DHX8: variants seen among roughly 807,000 people sequenced by gnomAD.
DHX8 encodes the protein ATP-dependent RNA helicase DHX8.
In DHX8, 67 loss-of-function variants were observed where a neutral mutation model predicts 140.7. That is an observed-to-expected ratio of 0.48 (90% CI 0.39 to 0.58). The LOEUF is 0.58. DHX8 is among the 20% of genes least tolerant of loss of function. The pLI is 0.00. For synonymous variants in DHX8, 533 were observed against 553.2 expected (o/e 0.96, Z 0.51); for missense variants, 887 against 1,550.7 (o/e 0.57, Z 7.19).
At chr17:43,529,813 C>T (rs556473066), downstream of DHX8, 9 of 1,600,946 alleles carry the variant, frequency 5.6e-6, no homozygotes, top group African/African-American at 1.3e-5. Flanking sequence ...AACAATGAAA[C>T]GTGATGTGAC....
intron 3 of DHX8, among the ~76,000 whole-genome samples, chr17:43,542,769 G>A (rs2154587281): frequency 6.6e-6 from 1 of 152,256 alleles, no homozygotes; most frequent in Non-Finnish European, 1.5e-5. Context: ...TCCAAATGCT[G>A]TCTTCACAGA....
intron 1 of DHX8, among the ~76,000 whole-genome samples, chr17:43,488,076 G>A (rs1489801510): frequency 1.3e-5 from 2 of 150,716 alleles, no homozygotes; most frequent in African/African-American, 2.4e-5. Context: ...TCGTGGGTTC[G>A]AGACCAGCCT....
intron 16 of DHX8, among the ~76,000 whole-genome samples, chr17:43,509,484 AT>A (rs555156200): frequency 0.017 from 2,318 of 135,484 alleles, 8 homozygotes; most frequent in Non-Finnish European, 0.025. Context: ...CCTCCCACTT[AT>A]TTTTTTTTTT....
intron 20 of DHX8, 46 bp downstream of exon 20, chr17:43,520,925 G>T: frequency 6.4e-7 from 1 of 1,570,840 alleles, no homozygotes; most frequent in South Asian, 1.2e-5. Context: ...CATGAAGTTG[G>T]GGTAGTTGGC....
intron 2 of DHX8, among the ~76,000 whole-genome samples, chr17:43,532,301 C>G (rs185104301): frequency 1.3e-5 from 2 of 152,256 alleles, no homozygotes; most frequent in Non-Finnish European, 2.9e-5. Context: ...GAGTTCGAGA[C>G]CATCCTGGCC....
chr17:43,536,675 G>T (rs1474175285), intron 3 of DHX8, among the ~76,000 whole-genome samples: 4 of 152,264 alleles, frequency 2.6e-5, no homozygotes, highest in Non-Finnish European at 5.9e-5. Context: ...GATAGCTGAT[G>T]AACTTAAAAT....
chr17:43,502,322 G>A (rs1275287661), intron 11 of DHX8, among the ~76,000 whole-genome samples: 4 of 152,224 alleles, frequency 2.6e-5, no homozygotes, highest in Admixed American at 1.3e-4. Flanking sequence ...GGAGGCCGAG[G>A]CAGGAGAATT....
rs1967956005 is a variant in DHX8, at chr17:43,483,999, G to A, written c.-39G>A. 1.9e-6 allele frequency: 3 copies of A among 1,611,422 alleles called. No individual in the cohort carries two copies. Among genetic ancestry groups the A allele is most frequent in the Non-Finnish European group, 2.5e-6 (3 of 1,178,356 alleles). On this transcript the variant is annotated 5_prime_UTR_variant, in exon 1 of 23. Transcript: ENST00000262415. ...GAACCCGGCCGGAGTAGCTCTGAGC[G>A]CCGGCTGTGAGGAAGGAGGTTCTGG...
intron 8 of DHX8, 132 bp downstream of exon 8, chr17:43,494,018 A>T: frequency 1.2e-6 from 1 of 834,244 alleles, no homozygotes; most frequent in Non-Finnish European, 1.9e-6. Context: ...ACTCCTGATA[A>T]AGACGTACCT....
downstream of DHX8, chr17:43,526,316 C>G (rs1055068060): frequency 7.0e-7 from 1 of 1,420,398 alleles, no homozygotes; most frequent in Non-Finnish European, 9.2e-7. Context: ...CACCCCCACC[C>G]CGCGAGAACC....
At chr17:43,520,928 T>C (rs1202359507) in intron 20 of DHX8, 49 bp downstream of exon 20, 2 of 1,554,420 alleles carry the variant, frequency 1.3e-6, no homozygotes, top group East Asian at 4.7e-5. Flanking sequence ...GAAGTTGGGG[T>C]AGTTGGCCTG....
intron 16 of DHX8, among the ~76,000 whole-genome samples, chr17:43,509,338 A>G (rs1804280588): frequency 6.6e-6 from 1 of 152,218 alleles, no homozygotes. Flanking sequence ...AGGGAATGGC[A>G]TAGTTCCAGT....
downstream of DHX8, chr17:43,526,242 C>G: frequency 7.9e-7 from 1 of 1,267,462 alleles, no homozygotes; most frequent in Non-Finnish European, 1.0e-6. Context: ...GAGTGACAGC[C>G]CAGGAGAGGA....
intron 18 of DHX8, chr17:43,518,240 C>T (rs1199398120): frequency 6.6e-6 from 1 of 152,214 alleles, no homozygotes; most frequent in Non-Finnish European, 1.5e-5. Flanking sequence ...TATTGAACAC[C>T]TGCTGTGTTT....
intron 9 of DHX8, among the ~76,000 whole-genome samples, chr17:43,497,606 T>A (rs891218084): frequency 3.3e-5 from 5 of 151,952 alleles, no homozygotes; most frequent in Non-Finnish European, 7.4e-5. Flanking sequence ...AGAAAAAAAA[T>A]TAGCCAGGTG....
rs1970405517 is a variant in DHX8 at position 43,522,161 on chromosome 17, A to G, written c.3378A>G (p.Thr1126=). 1 of 1,614,130 alleles carries G rather than the reference A, an allele frequency of 6.2e-7. No homozygotes were observed. The highest frequency in any genetic ancestry group is 8.5e-7 in the Non-Finnish European group (1 of 1,180,004). The change falls in exon 22 of 23, where the codon ACA becomes ACG. Residue 1126 remains threonine (T), a synonymous_variant. Coordinates refer to ENST00000262415, the MANE Select transcript of DHX8 (RefSeq NM_004941.3). ...AAGACCCGCAGGAGGGTTACCGGAC[A>G]CTGATCGACCAGCAGGTGGTCTATA... ...AKKDPQEGYR[T]LIDQQVVYIH...
intron 2 of DHX8, chr17:43,536,196 G>A: frequency 1.8e-6 from 1 of 559,484 alleles, no homozygotes; most frequent in South Asian, 2.2e-5. Context: ...TCAGATATAA[G>A]GCAATGGAGA....
Position 43,524,643 on chromosome 17 carries a change from C to T in DHX8, c.*796C>T, listed in dbSNP as rs1970542304. The T allele has an allele frequency of 1.0e-6, 1 of 985,480 alleles. No homozygotes were observed. Among genetic ancestry groups the T allele is most frequent in the Non-Finnish European group, 1.2e-6 (1 of 829,976 alleles). 61.0% of individuals were successfully genotyped at this position (985,480 alleles called of 1,614,324 possible). A position where few individuals can be genotyped will look rare whatever the true frequency, so the allele number is the denominator to read the frequency against. On this transcript the variant is annotated 3_prime_UTR_variant, in exon 23 of 23. Transcript: ENST00000262415. ...AAATACAGAAGGTTTCCCCTTGCTC[C>T]CTCCACCTCCCACATTCGCAATGTG...
chr17:43,520,769 G>C lies in DHX8; in HGVS notation c.2956G>C (p.Glu986Gln). 1 of 1,614,044 alleles carries C rather than the reference G, an allele frequency of 6.2e-7. No homozygotes were observed. The highest frequency in any genetic ancestry group is 8.5e-7 in the Non-Finnish European group (1 of 1,180,002). The change falls in exon 20 of 23, where the codon GAG (glutamate) becomes CAG (glutamine). Residue 986 changes from glutamate (E) to glutamine (Q), a missense_variant. By Grantham distance (29) the Glu-to-Gln change is conservative. Transcript: ENST00000262415. ...CCTCTAGATGGCAGAGTTCCCTCTG[G>C]AGCCAATGCTATGCAAAATGCTCAT... Reference protein sequence around the residue: ...LGRRMAEFPLEPMLCKMLIMS... With the variant: ...LGRRMAEFPLQPMLCKMLIMS...
Sources: gnomAD v4.1 joint callset for allele counts (sites outside exome capture counted in the v4.1 genomes callset) on GRCh38, gnomAD v4.1.1 for gene constraint, MANE v1.5 for transcripts, NCBI Gene and HGNC (gene_info 2026-07-23, HGNC 2026-07-21) for gene names.